Variants in USP13 observed in about 807,000 individuals in gnomAD.
The protein encoded by USP13 is ubiquitin specific peptidase 13, also known as ubiquitin carboxyl-terminal hydrolase 13.
USP13 carries 68 observed loss-of-function variants against 107.8 expected under a neutral mutation model. The ratio of observed to expected loss-of-function variants is 0.63; its 90% CI spans 0.52 to 0.77. The LOEUF is 0.77. Ranked by LOEUF, USP13 falls within the 30% of genes least tolerant of loss-of-function variation. USP13 has a pLI of 0.00. For missense variants in USP13, 945 were observed against 1,093.3 expected, an observed-to-expected ratio of 0.86 and a Z score of 1.91; for synonymous variants, 377 against 389.5, an observed-to-expected ratio of 0.97 and a Z score of 0.38.
chr3:179,748,778 G>A (rs1714497396), intron 13 of USP13, among the ~76,000 whole-genome samples: 1 of 152,174 alleles, frequency 6.6e-6, no homozygotes, highest in Admixed American at 6.5e-5. Context: ...GGGTTGCAGA[G>A]CACAGACTCT....
intron 1 of USP13, among the ~76,000 whole-genome samples, chr3:179,668,139 T>C (rs1011692443): frequency 6.6e-6 from 1 of 152,166 alleles, no homozygotes; most frequent in Non-Finnish European, 1.5e-5. Flanking sequence ...GGAGGAATCA[T>C]TACTGCATTA....
At chr3:179,727,163 G>GTTT (rs528617941) in intron 8 of USP13, among the ~76,000 whole-genome samples, 5 of 114,354 alleles carry the variant, frequency 4.4e-5, no homozygotes, top group Non-Finnish European at 7.4e-5. Flanking sequence ...AATTTTTAAT[G>GTTT]TTTTTTTTTT....
At chr3:179,763,524 G>T (rs1393465257) in intron 17 of USP13, among the ~76,000 whole-genome samples, 1 of 152,102 alleles carries the variant, frequency 6.6e-6, no homozygotes, top group Non-Finnish European at 1.5e-5. Flanking sequence ...ACAGGTATAT[G>T]GTTTTATTTC....
intron 16 of USP13, among the ~76,000 whole-genome samples, chr3:179,760,631 A>G (rs1714976413): frequency 6.7e-6 from 1 of 150,298 alleles, no homozygotes; most frequent in Non-Finnish European, 1.5e-5. Context: ...TTTTCCTTCT[A>G]TACTTAACAT....
intron 14 of USP13, among the ~76,000 whole-genome samples, chr3:179,753,276 C>G (rs530185507): frequency 6.6e-6 from 1 of 152,168 alleles, no homozygotes; most frequent in South Asian, 2.1e-4. Context: ...CTAACAGTTA[C>G]GCAGCACTTG....
At chr3:179,664,256 TA>T (rs530748552) in intron 1 of USP13, among the ~76,000 whole-genome samples, 105 of 151,992 alleles carry the variant, frequency 6.9e-4, no homozygotes, top group Non-Finnish European at 1.0e-3. Context: ...CATGCCCGGA[TA>T]TTTTTTTTGT....
chr3:179,709,071 T>G (rs1269400639), intron 6 of USP13, 114 bp downstream of exon 6: 3 of 1,272,748 alleles, frequency 2.4e-6, no homozygotes, highest in Non-Finnish European at 3.2e-6. Context: ...CAGCCCAGGT[T>G]TGAATTCTAA....
chr3:179,743,926 GTTT>G (rs35286740), intron 12 of USP13, among the ~76,000 whole-genome samples: 20 of 126,236 alleles, frequency 1.6e-4, no homozygotes, highest in African/African-American at 3.9e-4. Context: ...TAAATAAGGA[GTTT>G]TTTTTTTTTT....
At chr3:179,681,767 C>A (rs578024089) in intron 1 of USP13, 111 bp from the exon 2 acceptor site, 92 of 1,396,712 alleles carry the variant, frequency 6.6e-5, no homozygotes, top group Middle Eastern at 3.7e-4. Context: ...GCCTCGGTGG[C>A]CCTTTGCCAG....
intron 3 of USP13, among the ~76,000 whole-genome samples, chr3:179,698,434 G>A (rs1053646193): frequency 6.6e-6 from 1 of 151,776 alleles, no homozygotes; most frequent in Non-Finnish European, 1.5e-5. Context: ...TGGTTTACAA[G>A]AAGAATGAAC....
Position 179,707,047 on chromosome 3 carries a change from G to A in USP13, c.591G>A (p.Gln197=). 1 of 1,614,104 alleles carries A rather than the reference G, an allele frequency of 6.2e-7. No individual in the cohort carries two copies. Among genetic ancestry groups the A allele is most frequent in the Non-Finnish European group, 8.5e-7 (1 of 1,180,008 alleles). ...PVSKYANNLT[Q]LDNGVRIPPS... is the part of the protein sequence containing the mutation. ...CTAAATATGCCAACAACCTCACCCA[G>A]CTGGACAATGGAGTCAGGATTCCTC... The change falls in exon 5 of 21, where the codon CAG becomes CAA. Residue 197 remains glutamine (Q), a synonymous_variant. Coordinates refer to ENST00000263966, the MANE Select transcript of USP13 (RefSeq NM_003940.3).
intron 1 of USP13, among the ~76,000 whole-genome samples, chr3:179,654,102 T>C (rs1344632722): frequency 1.3e-5 from 2 of 151,206 alleles, no homozygotes; most frequent in Admixed American, 1.3e-4. Context: ...TAGTCCCAGC[T>C]ACTCGGGAGG....
chr3:179,720,545 C>T (rs894376837), intron 7 of USP13, among the ~76,000 whole-genome samples: 11 of 152,198 alleles, frequency 7.2e-5, no homozygotes, highest in Non-Finnish European at 1.3e-4. Flanking sequence ...CTTTAAGGAA[C>T]TATTTCAATG....
At chr3:179,761,347 C>T in intron 17 of USP13, 92 bp downstream of exon 17, 6 of 1,485,334 alleles carry the variant, frequency 4.0e-6, no homozygotes, top group Non-Finnish European at 5.5e-6. Context: ...GTGGATGTAT[C>T]CCTAGAAAAT....
At chr3:179,697,097 C>T (rs917158055) in intron 3 of USP13, among the ~76,000 whole-genome samples, 21 of 152,096 alleles carry the variant, frequency 1.4e-4, no homozygotes, top group African/African-American at 5.1e-4. Flanking sequence ...CAAGGAGCCA[C>T]CACTTCACCT....
intron 14 of USP13, among the ~76,000 whole-genome samples, chr3:179,753,000 T>C (rs1318178784): frequency 6.6e-6 from 1 of 152,200 alleles, no homozygotes; most frequent in Non-Finnish European, 1.5e-5. Flanking sequence ...GAGGTTAATT[T>C]TCCAGACGAT....
intron 8 of USP13, among the ~76,000 whole-genome samples, chr3:179,729,734 A>C (rs896201970): frequency 6.6e-6 from 1 of 152,078 alleles, no homozygotes; most frequent in African/African-American, 2.4e-5. Flanking sequence ...AGCCTTCCAA[A>C]GTGCTGGGAT....
At chr3:179,677,168 G>A (rs1576918125) in intron 1 of USP13, among the ~76,000 whole-genome samples, 1 of 152,028 alleles carries the variant, frequency 6.6e-6, no homozygotes, top group East Asian at 1.9e-4. Context: ...ACCTGTTGAT[G>A]TTATAATGAA....
chr3:179,700,256 A>AC (rs1712468670), intron 3 of USP13, among the ~76,000 whole-genome samples: 1 of 152,158 alleles, frequency 6.6e-6, no homozygotes, highest in African/African-American at 2.4e-5. Context: ...GGACAATATG[A>AC]CTACTCACAT....
Sources: gnomAD v4.1 joint callset for allele counts (sites outside exome capture counted in the v4.1 genomes callset) on GRCh38, gnomAD v4.1.1 for gene constraint, MANE v1.5 for transcripts, NCBI Gene and HGNC (gene_info 2026-07-23, HGNC 2026-07-21) for gene names.